Variants in PAPPA observed in about 807,000 individuals in gnomAD.
PAPPA encodes the protein pappalysin 1, also known as pappalysin-1.
PAPPA carries 60 observed loss-of-function variants against 164.0 expected under a neutral mutation model. The observed-to-expected ratio is 0.37, with a 90% CI of 0.30 to 0.45. The LOEUF is 0.45. PAPPA is among the 20% of genes least tolerant of loss of function. PAPPA has a pLI of 1.00. For synonymous variants in PAPPA, 875 were observed against 814.1 expected, an observed-to-expected ratio of 1.07 and a Z score of -1.27; for missense variants, 1,782 against 2,087.3, an observed-to-expected ratio of 0.85 and a Z score of 2.85.
At chr9:116,351,411 C>T (rs1040479451) in intron 15 of PAPPA, among the ~76,000 whole-genome samples, 4 of 152,174 alleles carry the variant, frequency 2.6e-5, no homozygotes, top group South Asian at 2.1e-4. Flanking sequence ...AAGAAGCAAA[C>T]GAAGACATTG....
intron 9 of PAPPA, among the ~76,000 whole-genome samples, chr9:116,284,215 G>A (rs563682404): frequency 6.6e-6 from 1 of 152,282 alleles, no homozygotes; most frequent in South Asian, 2.1e-4. Flanking sequence ...AGTAGAGAGT[G>A]ACCTGTCCCC....
intron 7 of PAPPA, among the ~76,000 whole-genome samples, chr9:116,250,883 A>G (rs1001979883): frequency 2.0e-5 from 3 of 152,110 alleles, no homozygotes; most frequent in South Asian, 4.1e-4. Context: ...AGACCTTGGG[A>G]CTCACATTTG....
chr9:116,382,076 T>C (rs180777648), intron 20 of PAPPA, among the ~76,000 whole-genome samples: 15 of 152,316 alleles, frequency 9.8e-5, no homozygotes, highest in Admixed American at 3.3e-4. Flanking sequence ...AAATGAGCCC[T>C]CTTTCAGGAA....
chr9:116,207,205 A>G (rs1412900287), intron 2 of PAPPA, among the ~76,000 whole-genome samples: 1 of 152,192 alleles, frequency 6.6e-6, no homozygotes, highest in African/African-American at 2.4e-5. Context: ...GGAGATAACG[A>G]TACTACCTAC....
At chr9:116,264,000 T>C (rs1368572300) in intron 7 of PAPPA, among the ~76,000 whole-genome samples, 1 of 152,210 alleles carries the variant, frequency 6.6e-6, no homozygotes. Flanking sequence ...GACTGGGATG[T>C]AGTCTGAAGA....
intron 21 of PAPPA, among the ~76,000 whole-genome samples, chr9:116,388,267 TTTA>T (rs1436050757): frequency 9.9e-5 from 15 of 152,172 alleles, no homozygotes; most frequent in African/African-American, 3.4e-4. Context: ...AGGATGTCAG[TTTA>T]TTATTTTCCT....
At chr9:116,270,618 T>A (rs1317932936) in intron 8 of PAPPA, among the ~76,000 whole-genome samples, 1 of 152,166 alleles carries the variant, frequency 6.6e-6, no homozygotes, top group Non-Finnish European at 1.5e-5. Context: ...CTCCTTCTCA[T>A]CACCTAAGCC....
At chr9:116,311,217 A>T (rs1587998459) in intron 10 of PAPPA, among the ~76,000 whole-genome samples, 1 of 152,126 alleles carries the variant, frequency 6.6e-6, no homozygotes, top group Non-Finnish European at 1.5e-5. Flanking sequence ...TTATAAAATG[A>T]TTCTGGTATT....
chr9:116,300,473 T>C (rs1845567293), intron 9 of PAPPA, among the ~76,000 whole-genome samples: 1 of 152,132 alleles, frequency 6.6e-6, no homozygotes, highest in Non-Finnish European at 1.5e-5. Context: ...AGACAGGGTC[T>C]CATCATGTTG....
chr9:116,353,678 T>A lies in PAPPA; in HGVS notation c.4232T>A (p.Val1411Asp), dbSNP rs1205330680. 6.2e-7 allele frequency: 1 copy of A among 1,614,076 alleles called. No homozygotes were observed. Among genetic ancestry groups the A allele is most frequent in the South Asian group, 1.1e-5 (1 of 91,072 alleles). Residue 1411 changes from valine to aspartate, a missense_variant, in exon 17 of 22, where the codon GTT becomes GAT. Val to Asp is a radical substitution (Grantham distance 152). Coordinates refer to ENST00000328252, the MANE Select transcript of PAPPA (RefSeq NM_002581.5). ...GGCAGCTGGCAGGAGGGAGCTTGTG[T>A]TCCTGTGACCTGTGACCCACCTCCA... Reference protein sequence around the residue: ...QDGSWQEGACVPVTCDPPPPK... With the variant: ...QDGSWQEGACDPVTCDPPPPK...
chr9:116,375,374 T>C (rs1455835833), intron 19 of PAPPA, among the ~76,000 whole-genome samples: 2 of 152,232 alleles, frequency 1.3e-5, no homozygotes, highest in Non-Finnish European at 2.9e-5. Flanking sequence ...TTTGATTTAC[T>C]TGAAGGTTGA....
chr9:116,234,718 A>G (rs952656263), intron 6 of PAPPA, among the ~76,000 whole-genome samples: 2 of 152,178 alleles, frequency 1.3e-5, no homozygotes, highest in Non-Finnish European at 2.9e-5. Flanking sequence ...AACCTGATCG[A>G]TTCACTCTAT....
At chr9:116,388,159 C>T (rs776376094) in intron 21 of PAPPA, among the ~76,000 whole-genome samples, 2 of 152,134 alleles carry the variant, frequency 1.3e-5, no homozygotes, top group Admixed American at 6.5e-5. Flanking sequence ...AAGAGCAAGA[C>T]GGTGCAGGAA....
chr9:116,398,771 C>G lies in PAPPA; in HGVS notation c.*2155C>G. ...AATAATCCTCTATGTTTCTTCCTCA[C>G]AAAACCATATCTCATTTATATCCAG... On this transcript the variant is annotated 3_prime_UTR_variant, in exon 22 of 22. Coordinates refer to ENST00000328252, the MANE Select transcript of PAPPA (RefSeq NM_002581.5). 1 of 443,250 alleles carries G rather than the reference C, an allele frequency of 2.3e-6. No individual in the cohort carries two copies. The highest frequency in any genetic ancestry group is 7.0e-5 in the East Asian group (1 of 14,242). The allele number at this position is 443,250 out of a possible 1,614,324, so 27.5% of individuals were successfully genotyped here.
chr9:116,160,194 T>C (rs753569580), intron 1 of PAPPA, among the ~76,000 whole-genome samples: 4 of 152,178 alleles, frequency 2.6e-5, no homozygotes, highest in Non-Finnish European at 4.4e-5. Flanking sequence ...CTTACTGAGC[T>C]GGGTAGTAGC....
Position 116,187,646 on chromosome 9 carries a change from G to T in PAPPA, c.908G>T (p.Gly303Val), listed in dbSNP as rs1480622605. 3 of 1,614,074 alleles carry T rather than the reference G, an allele frequency of 1.9e-6. No individual in the cohort carries two copies. Among genetic ancestry groups the T allele is most frequent in the Non-Finnish European group, 2.5e-6 (3 of 1,180,032 alleles). The change falls in exon 2 of 22, where the codon GGC becomes GTC. Residue 303 changes from glycine to valine, a missense_variant. By Grantham distance (109) the Gly-to-Val change is moderately radical. Around this residue, in one of 2 missense-constraint regions of PAPPA, gnomAD observed 458 missense variants for 430.3 expected, o/e 1.06. Coordinates refer to ENST00000328252, the MANE Select transcript of PAPPA (RefSeq NM_002581.5). The surrounding 1 kb of genome is among the most constrained non-coding windows in gnomAD (Gnocchi z 4.2). ...CATGCCTGGTCCCCCATGAAGGATGGCAGCAGCCCCAAAGTGGAATTCAGC... is the reference window on the plus strand; with the variant it reads ...CATGCCTGGTCCCCCATGAAGGATGTCAGCAGCCCCAAAGTGGAATTCAGC... ...VKHAWSPMKD[G>V]SSPKVEFSNA...
At chr9:116,208,624 G>A (rs1314837109) in intron 3 of PAPPA, among the ~76,000 whole-genome samples, 1 of 152,194 alleles carries the variant, frequency 6.6e-6, no homozygotes, top group Non-Finnish European at 1.5e-5. Flanking sequence ...AGAATGTTCA[G>A]GCTCAGCAGT....
chr9:116,189,898 G>T (rs1844021846), intron 2 of PAPPA, among the ~76,000 whole-genome samples: 1 of 152,206 alleles, frequency 6.6e-6, no homozygotes, highest in Non-Finnish European at 1.5e-5. Flanking sequence ...TGCCCTGCCT[G>T]GCAGCAAGTC....
At chr9:116,186,236 G>A (rs968348371) in intron 1 of PAPPA, among the ~76,000 whole-genome samples, 7 of 130,534 alleles carry the variant, frequency 5.4e-5, no homozygotes, top group Non-Finnish European at 3.4e-5. Context: ...GTGTGTGTGT[G>A]TATCTATATC....
Sources: gnomAD v4.1 joint callset for allele counts (sites outside exome capture counted in the v4.1 genomes callset) on GRCh38, gnomAD v4.1.1 for gene constraint, gnomAD v4.1.1 regional missense constraint, Gnocchi (gnomAD v3.1) non-coding constraint, MANE v1.5 for transcripts, NCBI Gene and HGNC (gene_info 2026-07-23, HGNC 2026-07-21) for gene names.